The following UNC80 variants were observed in gnomAD, a reference collection of about 807,000 sequenced individuals.
UNC80 encodes unc-80 subunit of NALCN channel complex, also known as protein unc-80 homolog.
Under a neutral mutation model 384.6 loss-of-function variants are expected in UNC80, and 164 were observed. The observed-to-expected ratio is 0.43, with a 90% CI of 0.38 to 0.49. UNC80 has a LOEUF of 0.49. UNC80 is among the 20% of genes least tolerant of loss of function. UNC80 has a pLI of 0.00. For missense variants in UNC80, 3,330 were observed against 4,143.0 expected, an observed-to-expected ratio of 0.80 and a Z score of 5.39; for synonymous variants, 1,486 against 1,527.8, an observed-to-expected ratio of 0.97 and a Z score of 0.64.
At chr2:209,881,553 C>A (rs115284087) in intron 25 of UNC80, among the ~76,000 whole-genome samples, 1 of 151,964 alleles carries the variant, frequency 6.6e-6, no homozygotes, top group Non-Finnish European at 1.5e-5. Flanking sequence ...AATCCCCAAA[C>A]GTACATTGTT....
chr2:209,978,414 T>A, intron 58 of UNC80, 115 bp from the exon 59 acceptor site: 2 of 886,726 alleles, frequency 2.3e-6, no homozygotes, highest in Non-Finnish European at 1.6e-6. Context: ...ATCATTTGTC[T>A]GGGACACATT....
intron 21 of UNC80, chr2:209,845,189 C>T (rs1020995628): frequency 6.6e-6 from 1 of 152,292 alleles, no homozygotes; most frequent in South Asian, 2.1e-4. Flanking sequence ...CACCAAGAAC[C>T]CGAACATGCG....
intron 22 of UNC80, among the ~76,000 whole-genome samples, chr2:209,866,490 C>CCACACACACACACA (rs71409845): frequency 6.5e-5 from 7 of 107,642 alleles, no homozygotes; most frequent in African/African-American, 1.4e-4. Flanking sequence ...AAATGCACCC[C>CCACACACACACACA]CACACACACA....
intron 21 of UNC80, 66 bp downstream of exon 21, chr2:209,842,512 T>C: frequency 8.9e-7 from 1 of 1,120,412 alleles, no homozygotes; most frequent in Non-Finnish European, 1.3e-6. Flanking sequence ...CTTGATTAGA[T>C]TAAGTGGTCC....
At chr2:209,900,852 G>T (rs2087317053) in intron 28 of UNC80, among the ~76,000 whole-genome samples, 1 of 152,170 alleles carries the variant, frequency 6.6e-6, no homozygotes, top group Non-Finnish European at 1.5e-5. Flanking sequence ...TAGTGGTCTG[G>T]ACAGAAGATC....
chr2:209,803,073 A>G (rs1303771146), intron 7 of UNC80, among the ~76,000 whole-genome samples: 1 of 152,208 alleles, frequency 6.6e-6, no homozygotes, highest in African/African-American at 2.4e-5. Context: ...CAGTGTTTAC[A>G]ATGTGACACA....
At chr2:209,929,497 A>G (rs980747053) in intron 36 of UNC80, among the ~76,000 whole-genome samples, 2 of 152,224 alleles carry the variant, frequency 1.3e-5, no homozygotes, top group African/African-American at 2.4e-5. Context: ...TTCAAAATCC[A>G]AATAGTCTTT....
chr2:209,824,458 A>G (rs2080363712), intron 13 of UNC80, among the ~76,000 whole-genome samples: 1 of 152,156 alleles, frequency 6.6e-6, no homozygotes, highest in Non-Finnish European at 1.5e-5. Context: ...CTCTTTAAGT[A>G]GTCCCCAGGT....
chr2:209,977,750 T>G (rs948841815), intron 58 of UNC80, among the ~76,000 whole-genome samples: 1 of 152,204 alleles, frequency 6.6e-6, no homozygotes, highest in African/African-American at 2.4e-5. Flanking sequence ...AAGGTATTCT[T>G]TGAGAGTACA....
chr2:209,955,830 G>A (rs907830084), intron 48 of UNC80, among the ~76,000 whole-genome samples: 11 of 148,722 alleles, frequency 7.4e-5, no homozygotes, highest in South Asian at 2.1e-4. Flanking sequence ...TGCAACCTCC[G>A]CCTCCCGGGT....
At chr2:209,874,528 A>G (rs2084601558) in intron 23 of UNC80, among the ~76,000 whole-genome samples, 1 of 152,180 alleles carries the variant, frequency 6.6e-6, no homozygotes, top group Non-Finnish European at 1.5e-5. Flanking sequence ...GACACTGCCA[A>G]CTGCACATAC....
intron 18 of UNC80, among the ~76,000 whole-genome samples, chr2:209,836,004 C>T (rs1189493182): frequency 6.6e-6 from 1 of 152,098 alleles, no homozygotes; most frequent in Non-Finnish European, 1.5e-5. Flanking sequence ...TCCATGGGCT[C>T]AGGGAACATG....
chr2:209,856,761 CTTATTTATTTAT>C lies in UNC80; in HGVS notation c.3627+7161_3627+7172del, dbSNP rs140456629. Among the ~76,000 whole-genome samples, 123 of 149,784 alleles carry C rather than the reference CTTATTTATTTAT, an allele frequency of 8.2e-4. No individual in the cohort carries two copies. The South Asian group carries it at 0.019, about 23-fold the overall frequency. ...TTCTGGGTTTTGGTTTTTTTGTTTA[CTTATTTATTTAT>C]TTATTTATTTATTTATTTATTTTTT... On this transcript the variant is annotated intron_variant, in intron 22 of 64. Coordinates refer to ENST00000673920, the MANE Select transcript of UNC80 (RefSeq NM_001371986.1).
At chr2:209,964,570 C>T (rs1337938959) in intron 51 of UNC80, among the ~76,000 whole-genome samples, 2 of 152,014 alleles carry the variant, frequency 1.3e-5, no homozygotes, top group East Asian at 1.9e-4. Flanking sequence ...GGGCAGATCA[C>T]AAGGTCAAGA....
rs369081881 is a variant in UNC80, at chr2:209,921,625, C to G, written c.5469C>G (p.Pro1823=). Residue 1823 remains proline (P), a synonymous_variant, in exon 34 of 65, where the codon CCC becomes CCG. Coordinates refer to ENST00000673920, the MANE Select transcript of UNC80 (RefSeq NM_001371986.1). ...GREASLITAI[P]ITQEACYEPT... is the part of the protein sequence containing the mutation. ...AAGCCAGCCTCATCACTGCCATCCC[C>G]ATCACCCAGGAGGCTTGCTATGAGC... 6 of 1,551,574 alleles carry G rather than the reference C, an allele frequency of 3.9e-6. No individual in the cohort carries two copies. The highest frequency in any genetic ancestry group is 5.2e-6 in the Non-Finnish European group (6 of 1,146,984).
At chr2:209,909,720 G>A (rs1474960175) in intron 29 of UNC80, among the ~76,000 whole-genome samples, 2 of 152,086 alleles carry the variant, frequency 1.3e-5, no homozygotes, top group African/African-American at 4.8e-5. Context: ...ATCAAAAGTG[G>A]TCAGGATGCC....
Position 209,995,504 on chromosome 2 carries a change from G to T in UNC80, c.9884G>T (p.Gly3295Val). 1 of 1,551,802 alleles carries T rather than the reference G, an allele frequency of 6.4e-7. No individual in the cohort carries two copies. The highest frequency in any genetic ancestry group is 8.7e-7 in the Non-Finnish European group (1 of 1,147,036). The change falls in exon 65 of 65, where the codon GGC (glycine) becomes GTC (valine). Residue 3295 changes from glycine (G) to valine (V), a missense_variant. Gly to Val is a moderately radical substitution (Grantham distance 109). Transcript: ENST00000673920. Reference protein sequence around the residue: ...DTVLHISEENGMENPLLSSQF... With the variant: ...DTVLHISEENVMENPLLSSQF... ...GTCCTTCATATCAGTGAGGAAAATG[G>T]CATGGAGAACCCGCTACTATCTAGT... is the stretch of plus-strand genomic sequence containing the variant.
chr2:209,922,247 G>C lies in UNC80; in HGVS notation c.5531-5G>C, dbSNP rs2124953910. 6.4e-7 allele frequency: 1 copy of C among 1,551,766 alleles called. No homozygotes were observed. Among genetic ancestry groups the C allele is most frequent in the South Asian group, 1.2e-5 (1 of 84,012 alleles). On this transcript the variant is annotated splice_polypyrimidine_tract_variant and splice_region_variant and intron_variant, in intron 34 of 64. Coordinates refer to ENST00000673920, the MANE Select transcript of UNC80 (RefSeq NM_001371986.1). ...AAAGTTCACATTCCCCATTTTGTTTGCCAGTAGAAGAAGTCACCAATCTGG... is the reference window on the plus strand; with the variant it reads ...AAAGTTCACATTCCCCATTTTGTTTCCCAGTAGAAGAAGTCACCAATCTGG...
intron 27 of UNC80, among the ~76,000 whole-genome samples, chr2:209,894,647 T>A (rs1388170685): frequency 6.6e-6 from 1 of 152,172 alleles, no homozygotes. Context: ...ACAAGCTTTC[T>A]GGTGGAGCCG....
Sources: gnomAD v4.1 joint callset for allele counts (sites outside exome capture counted in the v4.1 genomes callset) on GRCh38, gnomAD v4.1.1 for gene constraint, MANE v1.5 for transcripts, NCBI Gene and HGNC (gene_info 2026-07-23, HGNC 2026-07-21) for gene names.